The following NASP variants were observed in gnomAD, a reference collection of about 807,000 sequenced individuals.
NASP encodes nuclear autoantigenic sperm protein.
In NASP, 24 loss-of-function variants were observed where a neutral mutation model predicts 89.5. The ratio of observed to expected loss-of-function variants is 0.27; its 90% CI spans 0.19 to 0.38. The LOEUF is 0.38. Among genes scored for constraint, NASP ranks in the 10% least tolerant of loss-of-function variants. The pLI is 1.00. For missense variants in NASP, 848 were observed against 921.4 expected (o/e 0.92, Z 1.03); for synonymous variants, 306 against 324.7 (o/e 0.94, Z 0.62).
rs943351341 is a variant in NASP, at chr1:45,618,230, A to G, written c.*89A>G. Reference sequence around the variant, plus strand: ...GGAGGATTCTTTTTGTATAACTTCAATAAAGATTGTAAGCAAAGGTTGAGG... The same window carrying G: ...GGAGGATTCTTTTTGTATAACTTCAGTAAAGATTGTAAGCAAAGGTTGAGG... On this transcript the variant is annotated 3_prime_UTR_variant, in exon 15 of 15. Transcript: ENST00000350030. 1 of 1,079,754 alleles carries G rather than the reference A, an allele frequency of 9.3e-7. No individual in the cohort carries two copies. Among genetic ancestry groups the G allele is most frequent in the South Asian group, 1.4e-5 (1 of 70,080 alleles). The allele number at this position is 1,079,754 out of a possible 1,614,324, so 66.9% of individuals were successfully genotyped here. A position where few individuals can be genotyped will look rare whatever the true frequency, so the allele number is the denominator to read the frequency against.
At chr1:45,608,963 C>A (rs1304340657) in intron 6 of NASP, among the ~76,000 whole-genome samples, 1 of 152,110 alleles carries the variant, frequency 6.6e-6, no homozygotes, top group Non-Finnish European at 1.5e-5. Flanking sequence ...GCCCCCCCCA[C>A]CTTCCCCAAG....
At chr1:45,595,859 ATATCAAAAGT>A (rs1643682965) in intron 2 of NASP, among the ~76,000 whole-genome samples, 1 of 152,276 alleles carries the variant, frequency 6.6e-6, no homozygotes. Flanking sequence ...GCGCTTCAGC[ATATCAAAAGT>A]GGCTACCATG....
intron 14 of NASP, 26 bp downstream of exon 14, chr1:45,617,617 T>C: frequency 6.5e-7 from 1 of 1,548,218 alleles, no homozygotes; most frequent in Non-Finnish European, 8.7e-7. Flanking sequence ...GGGCTTAGCC[T>C]CTTGCCTCAT....
chr1:45,616,893 G>A (rs1209171857), intron 13 of NASP, among the ~76,000 whole-genome samples, 190 bp downstream of exon 13: 1 of 152,138 alleles, frequency 6.6e-6, no homozygotes, highest in Non-Finnish European at 1.5e-5. Context: ...CACCCAGGCT[G>A]GAGTGCAGTG....
chr1:45,610,551 CTT>C (rs923697358), intron 6 of NASP: 4 of 152,188 alleles, frequency 2.6e-5, no homozygotes, highest in African/African-American at 7.2e-5. Context: ...CCTCTTGACT[CTT>C]TGCCATGTGT....
chr1:45,584,042 T>G lies in NASP; in HGVS notation c.-105T>G, dbSNP rs1644487980. The stretch of plus-strand genomic sequence containing the variant: ...AAAAGGGCCCCGGCCGCGCGGGGTC[T>G]CTAATCTGCCATTTTCTGTCCCTGA... On this transcript the variant is annotated 5_prime_UTR_variant, in exon 1 of 15. Transcript: ENST00000350030. 5 of 1,096,492 alleles carry G rather than the reference T, an allele frequency of 4.6e-6. No individual in the cohort carries two copies. The allele number at this position is 1,096,492 out of a possible 1,614,324, so 67.9% of individuals were successfully genotyped here. A position where few individuals can be genotyped will look rare whatever the true frequency, so the allele number is the denominator to read the frequency against.
At position 45,618,284 on chromosome 1, in the gene NASP, C is replaced by G. The variant is rs776885815; in HGVS notation, c.*143C>G. ...TGATGGTTTTTTTCTTAATTATTGG[C>G]TGAATCTGCCTTGGAGCACTGCTGG... On this transcript the variant is annotated 3_prime_UTR_variant, in exon 15 of 15. Transcript: ENST00000350030. The G allele has an allele frequency of 1.8e-5, 12 of 662,364 alleles. No homozygotes were observed. Among genetic ancestry groups the G allele is most frequent in the Non-Finnish European group, 2.8e-5 (11 of 391,170 alleles). The allele number at this position is 662,364 out of a possible 1,614,324, so 41.0% of individuals were successfully genotyped here.
chr1:45,600,358 T>G (rs1356839088), intron 2 of NASP: 2 of 1,259,376 alleles, frequency 1.6e-6, no homozygotes, highest in African/African-American at 1.6e-5. Flanking sequence ...TTTCCTCATG[T>G]GCCTTTGTAC....
intron 6 of NASP, among the ~76,000 whole-genome samples, chr1:45,608,930 C>CT (rs1643955489): frequency 6.6e-6 from 1 of 152,074 alleles, no homozygotes; most frequent in Admixed American, 6.5e-5. Context: ...TGTTTAGAGG[C>CT]TTATTCACAT....
chr1:45,584,631 A>AG (rs1190953497), intron 1 of NASP, among the ~76,000 whole-genome samples: 4 of 96,122 alleles, frequency 4.2e-5, no homozygotes, highest in African/African-American at 8.2e-5. Context: ...TGGCGCCAAA[A>AG]GGGAAAAAAA....
chr1:45,585,987 T>A (rs1644528101), intron 1 of NASP, among the ~76,000 whole-genome samples: 2 of 152,174 alleles, frequency 1.3e-5, no homozygotes, highest in Non-Finnish European at 2.9e-5. Context: ...AACAAATACC[T>A]CTTGCAGGTC....
At chr1:45,595,766 C>T (rs920700488) in intron 2 of NASP, among the ~76,000 whole-genome samples, 11 of 152,152 alleles carry the variant, frequency 7.2e-5, no homozygotes, top group Non-Finnish European at 1.5e-4. Context: ...CATGATGAAG[C>T]GTTACAAACT....
chr1:45,589,281 C>T (rs1369064695), intron 1 of NASP, among the ~76,000 whole-genome samples: 10 of 152,068 alleles, frequency 6.6e-5, no homozygotes, highest in Admixed American at 6.6e-4. Flanking sequence ...GCATGTACCA[C>T]CATGCCCATC....
Position 45,615,631 on chromosome 1 carries a change from G to A in NASP, c.2022+160G>A, listed in dbSNP as rs574338456. ...GCAGTGGTTAAGAGGAAATACCCTGGAGCCCCAGACTATCTGGGTTTTAAT... is the reference window on the plus strand; with the variant it reads ...GCAGTGGTTAAGAGGAAATACCCTGAAGCCCCAGACTATCTGGGTTTTAAT... On this transcript the variant is annotated intron_variant, in intron 11 of 14. Coordinates refer to ENST00000350030, the MANE Select transcript of NASP (RefSeq NM_002482.4). The A allele has an allele frequency of 5.3e-4, 354 of 664,390 alleles. 5 individuals carry two copies. The South Asian group carries it at 6.3e-3, about 12-fold the overall frequency. The allele number at this position is 664,390 out of a possible 1,614,324, so 41.2% of individuals were successfully genotyped here. A position where few individuals can be genotyped will look rare whatever the true frequency, so the allele number is the denominator to read the frequency against.
Position 45,607,763 on chromosome 1 carries a change from G to C in NASP, c.852G>C (p.Val284=). The change falls in exon 6 of 15, where the codon GTG becomes GTC. Residue 284 remains valine (V), a synonymous_variant. Coordinates refer to ENST00000350030, the MANE Select transcript of NASP (RefSeq NM_002482.4). ...PKEVSEEQPV[V]TLEKQGTAVE... ...AAGTTTCAGAAGAGCAGCCTGTGGT[G>C]ACTCTAGAAAAGCAGGGCACTGCAG... The C allele has an allele frequency of 6.2e-7, 1 of 1,614,150 alleles. No homozygotes were observed. Among genetic ancestry groups the C allele is most frequent in the Non-Finnish European group, 8.5e-7 (1 of 1,180,030 alleles).
At chr1:45,587,344 A>G (rs1644567189) in intron 1 of NASP, among the ~76,000 whole-genome samples, 1 of 151,022 alleles carries the variant, frequency 6.6e-6, no homozygotes, top group Non-Finnish European at 1.5e-5. Flanking sequence ...GTACCACCAC[A>G]CCTGGCTAAT....
chr1:45,585,139 G>A (rs935452798), intron 1 of NASP, among the ~76,000 whole-genome samples: 4 of 152,172 alleles, frequency 2.6e-5, no homozygotes, highest in African/African-American at 9.7e-5. Context: ...CCACTCAGGC[G>A]TAATCTGTTT....
At chr1:45,590,605 T>TACTTAATA (rs1032543698) in intron 1 of NASP, among the ~76,000 whole-genome samples, 11 of 150,204 alleles carry the variant, frequency 7.3e-5, no homozygotes, top group Non-Finnish European at 1.6e-4. Context: ...TTTACAATGA[T>TACTTAATA]ACTTAATAGT....
At chr1:45,593,674 T>C (rs752847069) in intron 2 of NASP, among the ~76,000 whole-genome samples, 10 of 152,024 alleles carry the variant, frequency 6.6e-5, no homozygotes, top group East Asian at 1.9e-4. Flanking sequence ...TTTTTTTTTT[T>C]TCTCTTAAAC....
Sources: allele counts gnomAD v4.1 joint callset (sites outside exome capture counted in the v4.1 genomes callset), GRCh38; gene constraint gnomAD v4.1.1; transcripts MANE v1.5; gene names NCBI Gene and HGNC (gene_info 2026-07-23, HGNC 2026-07-21).